USP6: variants seen among roughly 807,000 people sequenced by gnomAD.
USP6 encodes ubiquitin specific peptidase 6, also known as ubiquitin carboxyl-terminal hydrolase 6.
Under a neutral mutation model 175.7 loss-of-function variants are expected in USP6, and 128 were observed. The ratio of observed to expected loss-of-function variants is 0.73; its 90% CI spans 0.63 to 0.84. The LOEUF is 0.84. USP6 is among the 40% of genes least tolerant of loss of function. USP6 has a pLI of 0.00. For missense variants in USP6, 1,498 were observed against 1,760.3 expected (o/e 0.85, Z 2.67); for synonymous variants, 562 against 630.6 (o/e 0.89, Z 1.63).
intron 2 of USP6, among the ~76,000 whole-genome samples, 175 bp downstream of exon 2, chr17:5,118,465 G>T (rs1021923288): frequency 2.0e-5 from 3 of 152,266 alleles, no homozygotes; most frequent in African/African-American, 7.2e-5. Flanking sequence ...CCCAAGTGGG[G>T]GTGCCTGTGA....
At chr17:5,133,850 T>A (rs1196752996) in intron 14 of USP6, 37 bp from the exon 15 acceptor site, 1 of 1,600,822 alleles carries the variant, frequency 6.2e-7, no homozygotes, top group Non-Finnish European at 8.6e-7. Context: ...TTCCATCTGT[T>A]CTGAGGCTGC....
At chr17:5,121,110 C>T (rs2072649131) in intron 3 of USP6, among the ~76,000 whole-genome samples, 2 of 152,188 alleles carry the variant, frequency 1.3e-5, no homozygotes, top group Admixed American at 1.3e-4. Flanking sequence ...TCTCCAGTGT[C>T]CTAGGGACAG....
At chr17:5,161,305 G>A (rs775585861) in intron 31 of USP6, among the ~76,000 whole-genome samples, 1 of 152,232 alleles carries the variant, frequency 6.6e-6, no homozygotes, top group African/African-American at 2.4e-5. Context: ...ACATCTGGCA[G>A]TCTGTCTACC....
chr17:5,145,497 G>A lies in USP6; in HGVS notation c.2085G>A (p.Gly695=), dbSNP rs2073579897. Residue 695 remains glycine, a synonymous_variant, in exon 27 of 38, where the codon GGG becomes GGA. Coordinates refer to ENST00000574788, the MANE Select transcript of USP6 (RefSeq NM_001304284.2). ...LRSQVKCKTC[G]HISVRFDPFN... ...CTCAAGTCAAATGCAAGACATGTGG[G>A]CATATAAGTGTCCGATTTGACCCTT... 1.9e-6 allele frequency: 3 copies of A among 1,612,748 alleles called. No homozygotes were observed. The highest frequency in any genetic ancestry group is 1.7e-6 in the Non-Finnish European group (2 of 1,179,380).
intron 3 of USP6, 52 bp downstream of exon 3, chr17:5,120,840 A>G (rs1368907325): frequency 1.8e-5 from 8 of 454,242 alleles, no homozygotes; most frequent in East Asian, 6.9e-5. Flanking sequence ...CATGTGCTGC[A>G]TGCTGGTGCA....
At position 5,134,034 on chromosome 17, in the gene USP6, G is replaced by C. The variant is rs772258563; in HGVS notation, c.494+38G>C. 9.4e-6 allele frequency: 15 copies of C among 1,599,346 alleles called. No homozygotes were observed. The East Asian group carries it at 3.4e-4, about 36-fold the overall frequency. On this transcript the variant is annotated intron_variant, in intron 15 of 37. Transcript: ENST00000574788. Reference sequence around the variant, plus strand: ...GAGCCACACAGTCCCAGCAGAGATGGGGTGAACGAGAGGGATGGGGACTTC... The same window carrying C: ...GAGCCACACAGTCCCAGCAGAGATGCGGTGAACGAGAGGGATGGGGACTTC...
At chr17:5,165,920 C>T (rs2074087004) in intron 33 of USP6, among the ~76,000 whole-genome samples, 1 of 152,234 alleles carries the variant, frequency 6.6e-6, no homozygotes, top group South Asian at 2.1e-4. Flanking sequence ...TCCTCTAGCA[C>T]TGTAGCCTGT....
Position 5,124,577 on chromosome 17 carries a change from G to A in USP6, c.-1287G>A, listed in dbSNP as rs1357604688. On this transcript the variant is annotated 5_prime_UTR_variant, in exon 5 of 38. Coordinates refer to ENST00000574788, the MANE Select transcript of USP6 (RefSeq NM_001304284.2). ...CACCCTTAATGAAGAGTCACAGGGA[G>A]AAGACGTCCACCCACACATCAGGAG... is the stretch of plus-strand genomic sequence containing the variant. The A allele has an allele frequency of 4.6e-5, 7 of 152,324 alleles. No individual in the cohort carries two copies. Among genetic ancestry groups the A allele is most frequent in the Non-Finnish European group, 4.4e-5 (3 of 68,108 alleles). 9.4% of individuals were successfully genotyped at this position (152,324 alleles called of 1,614,324 possible).
chr17:5,169,118 C>G (rs1423506945), intron 35 of USP6, 63 bp downstream of exon 35: 2 of 1,481,550 alleles, frequency 1.3e-6, no homozygotes, highest in African/African-American at 1.4e-5. Context: ...ATATGTTTCT[C>G]TGTCTTCTGT....
chr17:5,144,772 G>T lies in USP6; in HGVS notation c.1901G>T (p.Gly634Val), dbSNP rs747915725. 2 of 1,613,746 alleles carry T rather than the reference G, an allele frequency of 1.2e-6. No individual in the cohort carries two copies. The highest frequency in any genetic ancestry group is 2.2e-5 in the South Asian group (2 of 91,014). Residue 634 changes from glycine (G) to valine (V), a missense_variant, in exon 26 of 38, where the codon GGT becomes GTT. Transcript: ENST00000574788. ...GAACTTCTGGCTTTTCTCTTGGATG[G>T]TCTTCATGAAGATCTCAACCGAGTC... ...SQELLAFLLDGLHEDLNRVHE... is the reference protein window; with the variant it reads ...SQELLAFLLDVLHEDLNRVHE...
chr17:5,127,715 A>G (rs1265179773), intron 7 of USP6, 76 bp downstream of exon 7: 3 of 152,226 alleles, frequency 2.0e-5, no homozygotes, highest in African/African-American at 4.8e-5. Context: ...AAATCCATGG[A>G]TGCTCAAGTC....
At chr17:5,159,838 C>G (rs368494162) in intron 31 of USP6, among the ~76,000 whole-genome samples, 53 of 151,952 alleles carry the variant, frequency 3.5e-4, no homozygotes, top group African/African-American at 1.2e-3. Flanking sequence ...TGGTGCATGC[C>G]TGTAATCCTA....
At chr17:5,146,241 A>T (rs2073607889) in intron 28 of USP6, 67 bp downstream of exon 28, 1 of 1,511,642 alleles carries the variant, frequency 6.6e-7, no homozygotes, top group Non-Finnish European at 8.9e-7. Flanking sequence ...CTCAATTATG[A>T]TGATCAGTTG....
In USP6 at chr17:5,145,580, G is replaced by T. The variant is rs775017629; in HGVS notation, c.2167+1G>T. 2.5e-6 allele frequency: 4 copies of T among 1,574,746 alleles called. No homozygotes were observed. In the African/African-American group the frequency reaches 5.5e-5, roughly 22 times the overall value. On this transcript the variant is annotated splice_donor_variant, in intron 27 of 37. Transcript: ENST00000574788. LOFTEE classifies it high-confidence loss of function. The stretch of plus-strand genomic sequence containing the variant: ...AGTTACATGGACTTAGAAATAACAG[G>T]TAGGTCACAAAGTTCTGAAAAATTA...
Position 5,172,976 on chromosome 17 carries a change from TA to T in USP6, c.*1del. 6.2e-7 allele frequency: 1 copy of T among 1,613,666 alleles called. No individual in the cohort carries two copies. Among genetic ancestry groups the T allele is most frequent in the Non-Finnish European group, 8.5e-7 (1 of 1,179,620 alleles). On this transcript the variant is annotated frameshift_variant and stop_lost, in exon 38 of 38. Coordinates refer to ENST00000574788, the MANE Select transcript of USP6 (RefSeq NM_001304284.2). LOFTEE classifies it high-confidence loss of function. ...SDYEKYSMLQ[*>X] ...TTACGAAAAGTACTCTATGTTACAGTAAAGCTACCACTCTGGCTGCTAGACA... is the reference window on the plus strand; with the variant it reads ...TTACGAAAAGTACTCTATGTTACAGTAAGCTACCACTCTGGCTGCTAGACA...
Position 5,140,336 on chromosome 17 carries a change from G to A in USP6, c.1498+662G>A, listed in dbSNP as rs971911902. 5.3e-5 allele frequency among the ~76,000 whole-genome samples: 8 copies of A among 152,128 alleles called. No homozygotes were observed. In the East Asian group the frequency reaches 5.8e-4, roughly 11 times the overall value. On this transcript the variant is annotated intron_variant, in intron 22 of 37. Transcript: ENST00000574788. Reference sequence around the variant, plus strand: ...TCCCAGCAATTTGAGAGGTCGAGGCGGGAGGTTCAGGTTCACTTGAGTCTA... The same window carrying A: ...TCCCAGCAATTTGAGAGGTCGAGGCAGGAGGTTCAGGTTCACTTGAGTCTA...
Position 5,148,720 on chromosome 17 carries a change from C to T in USP6, c.2596C>T (p.Pro866Ser). 1.9e-6 allele frequency: 3 copies of T among 1,613,868 alleles called. No homozygotes were observed. Among genetic ancestry groups the T allele is most frequent in the Non-Finnish European group, 2.5e-6 (3 of 1,179,834 alleles). Residue 866 changes from proline (P) to serine (S), a missense_variant, in exon 30 of 38, where the codon CCT (proline) becomes TCT (serine). By Grantham distance (74) the Pro-to-Ser change is moderately conservative. This residue lies in a region of USP6 where 1,217 missense variants were observed against 1,500.8 expected (regional missense o/e 0.81). Coordinates refer to ENST00000574788, the MANE Select transcript of USP6 (RefSeq NM_001304284.2). The part of the protein sequence containing the change: ...GMVNGHMPSL[P>S]DSPFTGYIIA... Reference sequence around the variant, plus strand: ...GGTTAATGGTCACATGCCATCTCTTCCTGACAGCCCCTTTACAGGTTACAT... The same window carrying T: ...GGTTAATGGTCACATGCCATCTCTTTCTGACAGCCCCTTTACAGGTTACAT...
intron 32 of USP6, 57 bp downstream of exon 32, chr17:5,161,671 A>T (rs2074006511): frequency 6.3e-7 from 1 of 1,578,790 alleles, no homozygotes; most frequent in African/African-American, 1.4e-5. Context: ...GATATTATAC[A>T]ATTTTCCTAA....
intron 15 of USP6, chr17:5,134,557 T>G (rs899272111): frequency 2.3e-5 from 4 of 176,176 alleles, no homozygotes; most frequent in African/African-American, 9.6e-5. Context: ...GGTTCACTGC[T>G]TGATTCCTCA....
Sources: gnomAD v4.1 joint callset for allele counts (sites outside exome capture counted in the v4.1 genomes callset) on GRCh38, gnomAD v4.1.1 for gene constraint, gnomAD v4.1.1 regional missense constraint, MANE v1.5 for transcripts, NCBI Gene and HGNC (gene_info 2026-07-23, HGNC 2026-07-21) for gene names.